Variants in TASP1 observed in about 807,000 individuals in gnomAD.
TASP1 encodes the protein taspase 1.
TASP1 carries 16 observed loss-of-function variants against 56.6 expected under a neutral mutation model. The ratio of observed to expected loss-of-function variants is 0.28; its 90% CI spans 0.19 to 0.43. TASP1 has a LOEUF of 0.43. TASP1 is among the 20% of genes least tolerant of loss of function. The pLI is 1.00. For synonymous variants in TASP1, 179 were observed against 184.2 expected (o/e 0.97, Z 0.23); for missense variants, 393 against 511.6 (o/e 0.77, Z 2.24).
chr20:13,288,591 C>T, the TASP1 span: 2 of 1,613,968 alleles, frequency 1.2e-6, no homozygotes, highest in Non-Finnish European at 1.7e-6. Context: ...TGCAGCGTCA[C>T]CTGCGGGAAC....
the TASP1 span, among the ~76,000 whole-genome samples, chr20:13,330,494 C>A: frequency 6.6e-6 from 1 of 152,014 alleles, no homozygotes; most frequent in African/African-American, 2.4e-5. Flanking sequence ...CTTGTAGTGG[C>A]GTTAATTTTG....
At chr20:13,371,061 T>C in the TASP1 span, among the ~76,000 whole-genome samples, 1 of 152,156 alleles carries the variant, frequency 6.6e-6, no homozygotes, top group African/African-American at 2.4e-5. Flanking sequence ...TTCTCTCTTT[T>C]TTCTTGGCCG....
At chr20:13,551,468 A>G (rs1465007701) in intron 8 of TASP1, among the ~76,000 whole-genome samples, 1 of 152,196 alleles carries the variant, frequency 6.6e-6, no homozygotes, top group Non-Finnish European at 1.5e-5. Flanking sequence ...AATGAAGAGA[A>G]AGGAAAAAAA....
chr20:13,485,987 A>G (rs2043307400), intron 10 of TASP1, among the ~76,000 whole-genome samples: 3 of 152,178 alleles, frequency 2.0e-5, no homozygotes, highest in Admixed American at 2.0e-4. Context: ...GTTATACAGG[A>G]ATATATATAC....
the TASP1 span, among the ~76,000 whole-genome samples, chr20:13,337,780 G>A: frequency 6.6e-6 from 1 of 152,216 alleles, no homozygotes; most frequent in Non-Finnish European, 1.5e-5. Context: ...CAGAAGGAAA[G>A]GAAATGTGAG....
chr20:13,178,146 G>GA, the TASP1 span, among the ~76,000 whole-genome samples: 1 of 151,846 alleles, frequency 6.6e-6, no homozygotes, highest in African/African-American at 2.4e-5. Context: ...ACAAATACAT[G>GA]AAAAAAATGC....
chr20:13,279,997 CT>C, the TASP1 span: 31 of 1,221,836 alleles, frequency 2.5e-5, no homozygotes, highest in Non-Finnish European at 2.7e-5. Flanking sequence ...GAGCATGTGG[CT>C]TTTGGTCTTC....
At chr20:13,413,888 G>A (rs745657261) in intron 13 of TASP1, among the ~76,000 whole-genome samples, 5 of 151,998 alleles carry the variant, frequency 3.3e-5, no homozygotes, top group Non-Finnish European at 7.4e-5. Context: ...GACCCACTGA[G>A]AAAATATTGT....
chr20:13,572,790 T>A (rs376092910), intron 6 of TASP1, among the ~76,000 whole-genome samples: 1 of 151,178 alleles, frequency 6.6e-6, no homozygotes, highest in South Asian at 2.1e-4. Flanking sequence ...GGAATTACAA[T>A]CTCATGGATG....
intron 9 of TASP1, among the ~76,000 whole-genome samples, chr20:13,532,488 T>G (rs1479922842): frequency 6.6e-6 from 1 of 152,096 alleles, no homozygotes; most frequent in African/African-American, 2.4e-5. Context: ...CAACTGCATT[T>G]TCATATAAGC....
chr20:13,142,369 T>C, the TASP1 span, among the ~76,000 whole-genome samples: 1 of 152,120 alleles, frequency 6.6e-6, no homozygotes, highest in Non-Finnish European at 1.5e-5. Context: ...GTAATACATA[T>C]GGAATTCCAT....
At chr20:13,518,963 G>GT (rs2044635197) in intron 10 of TASP1, among the ~76,000 whole-genome samples, 1 of 151,836 alleles carries the variant, frequency 6.6e-6, no homozygotes, top group Admixed American at 6.6e-5. Context: ...AATAAAATGT[G>GT]GTACATATAC....
chr20:13,375,794 T>C, the TASP1 span, among the ~76,000 whole-genome samples: 6 of 152,244 alleles, frequency 3.9e-5, no homozygotes, highest in Admixed American at 3.3e-4. Flanking sequence ...CATGAGACAG[T>C]ATCTCATTGT....
At chr20:13,523,019 T>C (rs957974589) in intron 10 of TASP1, among the ~76,000 whole-genome samples, 1 of 152,090 alleles carries the variant, frequency 6.6e-6, no homozygotes, top group Non-Finnish European at 1.5e-5. Flanking sequence ...TTAGAGGTAA[T>C]TGTTAATCTT....
chr20:13,554,757 T>C (rs1015177089), intron 8 of TASP1, among the ~76,000 whole-genome samples: 6 of 152,210 alleles, frequency 3.9e-5, no homozygotes, highest in African/African-American at 1.4e-4. Flanking sequence ...AAAATATGCA[T>C]ACCTTAACTT....
chr20:13,457,355 C>A (rs2043882171), intron 11 of TASP1, among the ~76,000 whole-genome samples: 1 of 151,802 alleles, frequency 6.6e-6, no homozygotes, highest in Non-Finnish European at 1.5e-5. Flanking sequence ...ATGTAAAAAG[C>A]AGGATGGTAT....
Position 13,580,965 on chromosome 20 carries a change from G to C in TASP1, c.420C>G (p.Val140=). Residue 140 remains valine, a synonymous_variant, in exon 6 of 14, where the codon GTC becomes GTG. Transcript: ENST00000337743. Reference sequence around the variant, plus strand: ...CACATAAGAGTCTGTTGGCAACCGAGACTGGGTTCTTGATTCCTATAAAAA... The same window carrying C: ...CACATAAGAGTCTGTTGGCAACCGACACTGGGTTCTTGATTCCTATAAAAA... ...VGALSGIKNP[V]SVANRLLCEG... 6.2e-7 allele frequency: 1 copy of C among 1,604,736 alleles called. No individual in the cohort carries two copies.
At chr20:13,489,489 A>G (rs1195121400) in intron 10 of TASP1, among the ~76,000 whole-genome samples, 1 of 152,056 alleles carries the variant, frequency 6.6e-6, no homozygotes, top group Non-Finnish European at 1.5e-5. Context: ...ATGAGCATCA[A>G]GGACCATCCA....
intron 11 of TASP1, among the ~76,000 whole-genome samples, chr20:13,478,112 T>C (rs1206380658): frequency 6.6e-6 from 1 of 152,008 alleles, no homozygotes; most frequent in Non-Finnish European, 1.5e-5. Flanking sequence ...TTAGGAAAAA[T>C]ACATAAAAAC....
Sources: allele counts gnomAD v4.1 joint callset (sites outside exome capture counted in the v4.1 genomes callset), GRCh38; gene constraint gnomAD v4.1.1; transcripts MANE v1.5; gene names NCBI Gene and HGNC (gene_info 2026-07-23, HGNC 2026-07-21).